The following IPO9 variants were observed in gnomAD, a reference collection of about 807,000 sequenced individuals.
The protein encoded by IPO9 is importin 9.
A neutral mutation model predicts 128.6 loss-of-function variants in IPO9; 28 were observed. The observed-to-expected ratio is 0.22, with a 90% CI of 0.16 to 0.30. The LOEUF is 0.30. Among genes scored for constraint, IPO9 ranks in the 10% least tolerant of loss-of-function variants. The pLI is 1.00. For missense variants in IPO9, 935 were observed against 1,293.9 expected, an observed-to-expected ratio of 0.72 and a Z score of 4.26; for synonymous variants, 455 against 475.8, an observed-to-expected ratio of 0.96 and a Z score of 0.57.
intron 4 of IPO9, among the ~76,000 whole-genome samples, chr1:201,849,074 AAAGTT>A (rs1323120507): frequency 6.6e-6 from 1 of 152,238 alleles, no homozygotes; most frequent in Non-Finnish European, 1.5e-5. Flanking sequence ...CAACCAAGGC[AAAGTT>A]AAGAATTGTA....
chr1:201,853,190 G>A lies in IPO9; in HGVS notation c.690+93G>A, dbSNP rs939043845. ...CATTTCATGATAGCAGCACGAAAAA[G>A]CACACTAACCAGTATTAGAGATAGA... On this transcript the variant is annotated intron_variant, in intron 6 of 23. Coordinates refer to ENST00000361565, the MANE Select transcript of IPO9 (RefSeq NM_018085.5). 7.7e-5 allele frequency: 71 copies of A among 924,148 alleles called. No individual in the cohort carries two copies. The East Asian group carries it at 1.6e-3, about 21-fold the overall frequency. 57.2% of individuals were successfully genotyped at this position (924,148 alleles called of 1,614,324 possible).
intron 20 of IPO9, 94 bp from the exon 21 acceptor site, chr1:201,874,156 G>C: frequency 7.4e-7 from 1 of 1,349,220 alleles, no homozygotes. Flanking sequence ...GAGGGGTGGT[G>C]AACTCTGGTG....
At position 201,829,195 on chromosome 1, in the gene IPO9, C is replaced by T. The variant is rs758108307; in HGVS notation, c.-15C>T. 7 of 1,512,994 alleles carry T rather than the reference C, an allele frequency of 4.6e-6. No homozygotes were observed. Among genetic ancestry groups the T allele is most frequent in the Non-Finnish European group, 5.3e-6 (6 of 1,133,950 alleles). The allele number at this position is 1,512,994 out of a possible 1,614,324, so 93.7% of individuals were successfully genotyped here. On this transcript the variant is annotated 5_prime_UTR_variant, in exon 1 of 24. Coordinates refer to ENST00000361565, the MANE Select transcript of IPO9 (RefSeq NM_018085.5). Reference sequence around the variant, plus strand: ...GGGTCCCGGCCGCGGGGCTGGCGGGCTGAGGGGAGAAAAGATGGCGGCGGC... The same window carrying T: ...GGGTCCCGGCCGCGGGGCTGGCGGGTTGAGGGGAGAAAAGATGGCGGCGGC...
chr1:201,840,386 T>C (rs890180281), intron 1 of IPO9, among the ~76,000 whole-genome samples: 2 of 152,188 alleles, frequency 1.3e-5, no homozygotes, highest in African/African-American at 4.8e-5. Flanking sequence ...ATTTTAAATA[T>C]GATAACACAT....
chr1:201,853,118 A>G (rs754742701), intron 6 of IPO9, 21 bp downstream of exon 6: 7 of 1,596,606 alleles, frequency 4.4e-6, no homozygotes, highest in South Asian at 1.1e-5. Flanking sequence ...CTTTGGATCA[A>G]TAACAGACTT....
intron 8 of IPO9, 68 bp from the exon 9 acceptor site, chr1:201,855,056 T>C (rs1350239015): frequency 7.7e-7 from 1 of 1,300,186 alleles, no homozygotes; most frequent in South Asian, 1.2e-5. Context: ...TGTTGGAATA[T>C]GTAACATTTC....
At chr1:201,834,587 A>T (rs1368878197) in intron 1 of IPO9, among the ~76,000 whole-genome samples, 1 of 152,080 alleles carries the variant, frequency 6.6e-6, no homozygotes, top group African/African-American at 2.4e-5. Flanking sequence ...GGTTGCTTTC[A>T]TTCAGAAGCT....
chr1:201,867,605 G>GT (rs1680576113), intron 15 of IPO9, among the ~76,000 whole-genome samples: 1 of 150,790 alleles, frequency 6.6e-6, no homozygotes. Flanking sequence ...AGATAGGTAT[G>GT]TTTTAAAAAA....
At position 201,857,222 on chromosome 1, in the gene IPO9, A is replaced by G. The variant is rs762344214; in HGVS notation, c.1221+28A>G. 10 of 1,369,200 alleles carry G rather than the reference A, an allele frequency of 7.3e-6. 1 individual carries two copies. The Admixed American group carries it at 1.7e-4, about 23-fold the overall frequency. The allele number at this position is 1,369,200 out of a possible 1,614,324, so 84.8% of individuals were successfully genotyped here. On this transcript the variant is annotated intron_variant, in intron 11 of 23. Coordinates refer to ENST00000361565, the MANE Select transcript of IPO9 (RefSeq NM_018085.5). ...AAGTTTACCTTGATACTTCAGCCAC[A>G]TAATTTCTATCAGTCACTTGAGCAT...
At position 201,870,682 on chromosome 1, in the gene IPO9, C is replaced by G; in HGVS notation, c.2233C>G (p.Gln745Glu). ...CCACAATGGACTGTGGTATGTGATG[C>G]AAGTGGTGAGCCAGCTCCTGGACCC... Reference protein sequence around the residue: ...QGHNGLWYVMQVVSQLLDPRT... With the variant: ...QGHNGLWYVMEVVSQLLDPRT... Residue 745 changes from glutamine to glutamate, a missense_variant, in exon 18 of 24, where the codon CAA becomes GAA. This residue lies in a region of IPO9 where 741 missense variants were observed against 1,019.1 expected (regional missense o/e 0.73). Transcript: ENST00000361565. This position sits in a 1 kb window ranked among gnomAD's most constrained non-coding sequence, Gnocchi z 4.9. 6.2e-7 allele frequency: 1 copy of G among 1,614,206 alleles called. No homozygotes were observed. Among genetic ancestry groups the G allele is most frequent in the Non-Finnish European group, 8.5e-7 (1 of 1,180,030 alleles).
At chr1:201,842,720 A>G (rs1680056148) in intron 1 of IPO9, among the ~76,000 whole-genome samples, 1 of 152,234 alleles carries the variant, frequency 6.6e-6, no homozygotes, top group African/African-American at 2.4e-5. Flanking sequence ...AGATACTGCC[A>G]CATTACTAGA....
chr1:201,843,041 A>G (rs1411384354), intron 1 of IPO9, among the ~76,000 whole-genome samples: 1 of 152,096 alleles, frequency 6.6e-6, no homozygotes, highest in Non-Finnish European at 1.5e-5. Flanking sequence ...AAACTTTTCC[A>G]CCTTTGGAAG....
In IPO9 at chr1:201,854,893, T is replaced by G; in HGVS notation, c.881T>G (p.Val294Gly). ...VSSMQQILPI[V>G]WNTLTESAAF... ...TCCATGCAGCAGATTCTGCCTATTG[T>G]TTGGAACACCCTAACCGAGAGTGCA... The change falls in exon 8 of 24, where the codon GTT (valine) becomes GGT (glycine). Residue 294 changes from valine to glycine, a missense_variant. By Grantham distance (109) the Val-to-Gly change is moderately radical. This residue lies in a region of IPO9 where 741 missense variants were observed against 1,019.1 expected (regional missense o/e 0.73). Coordinates refer to ENST00000361565, the MANE Select transcript of IPO9 (RefSeq NM_018085.5). 3 of 1,610,528 alleles carry G rather than the reference T, an allele frequency of 1.9e-6. No individual in the cohort carries two copies. In the South Asian group the frequency reaches 3.3e-5, roughly 18 times the overall value.
intron 14 of IPO9, among the ~76,000 whole-genome samples, chr1:201,864,651 A>C (rs1680516500): frequency 6.6e-6 from 1 of 152,210 alleles, no homozygotes; most frequent in Admixed American, 6.5e-5. Context: ...TATGAATGTG[A>C]AAGTACTTTG....
chr1:201,863,424 C>G (rs1680488309), intron 13 of IPO9, 24 bp from the exon 14 acceptor site: 1 of 1,544,076 alleles, frequency 6.5e-7, no homozygotes, highest in Non-Finnish European at 8.8e-7. Context: ...TTTCCAGCCC[C>G]TAATTGTTCT....
chr1:201,873,007 G>C, intron 20 of IPO9, 46 bp downstream of exon 20: 1 of 1,559,328 alleles, frequency 6.4e-7, no homozygotes, highest in Non-Finnish European at 8.7e-7. Flanking sequence ...ATACGAAGGG[G>C]CTAAGGATAC....
chr1:201,872,792 C>A (rs111709342), intron 19 of IPO9, 36 bp from the exon 20 acceptor site: 1 of 1,587,040 alleles, frequency 6.3e-7, no homozygotes, highest in Admixed American at 1.7e-5. Context: ...TCGAGATGGG[C>A]GGCTGATTGA....
In IPO9 at chr1:201,854,723, T is replaced by G. The variant is rs200154535; in HGVS notation, c.810+9T>G. The G allele has an allele frequency of 8.1e-6, 13 of 1,612,404 alleles. No homozygotes were observed. The highest frequency in any genetic ancestry group is 1.1e-5 in the Non-Finnish European group (13 of 1,179,570). On this transcript the variant is annotated intron_variant, in intron 7 of 23. Transcript: ENST00000361565. ...AGATGGAGGTCCTAAAGGTAAACAC[T>G]TACTACCAATGAAATATTTGGAGTT...
chr1:201,853,635 C>G lies in IPO9; in HGVS notation c.690+538C>G, dbSNP rs145875483. Among the ~76,000 whole-genome samples, 1,033 of 152,312 alleles carry G rather than the reference C, an allele frequency of 6.8e-3. 7 individuals are homozygous for G. Among genetic ancestry groups the G allele is most frequent in the Non-Finnish European group, 9.2e-3 (623 of 68,016 alleles). ...GCATGATCATAGCTCACTGCAGCCT[C>G]AACCTCCCAGGTTCAAGCAATCCTC... On this transcript the variant is annotated intron_variant, in intron 6 of 23. Coordinates refer to ENST00000361565, the MANE Select transcript of IPO9 (RefSeq NM_018085.5).
Sources: gnomAD v4.1 joint callset for allele counts (sites outside exome capture counted in the v4.1 genomes callset) on GRCh38, gnomAD v4.1.1 for gene constraint, gnomAD v4.1.1 regional missense constraint, Gnocchi (gnomAD v3.1) non-coding constraint, MANE v1.5 for transcripts, NCBI Gene and HGNC (gene_info 2026-07-23, HGNC 2026-07-21) for gene names.